The following RFC3 variants were observed in gnomAD, a reference collection of about 807,000 sequenced individuals.
RFC3 encodes the protein replication factor C subunit 3.
In RFC3, 41 loss-of-function variants were observed where a neutral mutation model predicts 45.1. That is an observed-to-expected ratio of 0.91 (90% CI 0.71 to 1.18). RFC3 has a LOEUF of 1.18. Among genes scored for constraint, RFC3 ranks in the 50% most tolerant of loss-of-function variants. The pLI is 0.00. For missense variants in RFC3, 423 were observed against 428.1 expected, an observed-to-expected ratio of 0.99 and a Z score of 0.10; for synonymous variants, 149 against 144.0, an observed-to-expected ratio of 1.03 and a Z score of -0.25.
downstream of RFC3, among the ~76,000 whole-genome samples, chr13:33,837,716 A>G (rs1436394763): frequency 6.6e-6 from 1 of 151,986 alleles, no homozygotes; most frequent in Non-Finnish European, 1.5e-5. Flanking sequence ...GTCCATTTAT[A>G]TTTTATTACC....
chr13:33,835,411 T>TA, intron 8 of RFC3, 194 bp downstream of exon 8: 1 of 728,556 alleles, frequency 1.4e-6, no homozygotes, highest in Non-Finnish European at 2.5e-6. Context: ...AGGGCCTGCC[T>TA]AAAGTGAAGT....
intron 8 of RFC3, among the ~76,000 whole-genome samples, chr13:33,902,752 C>T (rs113601862): frequency 0.016 from 2,473 of 151,934 alleles, 59 homozygotes; most frequent in African/African-American, 0.049. Flanking sequence ...ACTGACAGTC[C>T]GTTATCCACA....
At position 33,821,296 on chromosome 13, in the gene RFC3, A is replaced by AG. The variant is rs775942393; in HGVS notation, c.225+27_225+28insG. 5 of 1,610,438 alleles carry AG rather than the reference A, an allele frequency of 3.1e-6. No homozygotes were observed. In the South Asian group the frequency reaches 5.5e-5, roughly 18 times the overall value. ...TAAGCATTTCACTTTGAGGCCCTGA[A>AG]AGTAATTTATAGCGGGGACTTTCAG... On this transcript the variant is annotated intron_variant, in intron 2 of 8. Coordinates refer to ENST00000380071, the MANE Select transcript of RFC3 (RefSeq NM_002915.4).
In RFC3 at chr13:33,941,790, C is replaced by T. The variant is rs542877895; in HGVS notation, c.880-24297C>T. Among the ~76,000 whole-genome samples, 321 of 152,020 alleles carry T rather than the reference C, an allele frequency of 2.1e-3. 1 individual carries two copies. The highest frequency in any genetic ancestry group is 3.3e-3 in the Non-Finnish European group (221 of 67,974). ...AATGTATGGGTTGAGAGCCTCCATC[C>T]GATTTTGAAGATTATAGGCAAACAT... On this transcript the variant is annotated intron_variant, in intron 8 of 8. Coordinates refer to the RFC3 transcript ENST00000434425.
intron 8 of RFC3, among the ~76,000 whole-genome samples, chr13:33,845,923 A>G (rs1021774895): frequency 6.6e-6 from 1 of 152,232 alleles, no homozygotes; most frequent in Non-Finnish European, 1.5e-5. Flanking sequence ...AGGCATTCCA[A>G]GTGTTCAGAG....
chr13:33,939,970 A>G (rs2082913078), intron 8 of RFC3, among the ~76,000 whole-genome samples: 1 of 151,984 alleles, frequency 6.6e-6, no homozygotes, highest in Admixed American at 6.6e-5. Flanking sequence ...TTTTTTTCTG[A>G]TCCATCTTCG....
chr13:33,825,639 C>A (rs949959203), intron 3 of RFC3, 150 bp from the exon 4 acceptor site: 1 of 409,210 alleles, frequency 2.4e-6, no homozygotes, highest in Non-Finnish European at 4.3e-6. Flanking sequence ...TTTTCAATGA[C>A]CCTAAAACTT....
At chr13:33,974,110 A>G in the RFC3 span, among the ~76,000 whole-genome samples, 11 of 152,126 alleles carry the variant, frequency 7.2e-5, no homozygotes, top group Non-Finnish European at 1.5e-4. Context: ...TGAAGAAGAC[A>G]CTGATTTTTG....
downstream of RFC3, among the ~76,000 whole-genome samples, chr13:33,970,645 A>G (rs1284142481): frequency 1.3e-5 from 2 of 152,258 alleles, no homozygotes; most frequent in Non-Finnish European, 2.9e-5. Flanking sequence ...GAAAGGGAAA[A>G]GAGGCAGTAC....
intron 8 of RFC3, among the ~76,000 whole-genome samples, chr13:33,964,463 A>G (rs1026098193): frequency 2.0e-5 from 3 of 152,194 alleles, no homozygotes; most frequent in Admixed American, 6.5e-5. Context: ...GTTTTTGTCC[A>G]GAGTTTCACA....
At chr13:33,897,324 CTAAGA>C (rs2082606776) in intron 8 of RFC3, among the ~76,000 whole-genome samples, 2 of 151,452 alleles carry the variant, frequency 1.3e-5, no homozygotes, top group African/African-American at 4.8e-5. Context: ...TTTGTGTGAT[CTAAGA>C]TAAGTCATCA....
chr13:33,837,921 TTTC>T (rs1255453381), downstream of RFC3, among the ~76,000 whole-genome samples: 13 of 152,060 alleles, frequency 8.5e-5, no homozygotes, highest in Non-Finnish European at 1.5e-5. Context: ...AGTTCAAACT[TTTC>T]TGATTTCACT....
In RFC3 at chr13:33,831,370, G is replaced by A; in HGVS notation, c.809+16G>A. The A allele has an allele frequency of 7.2e-7, 1 of 1,398,096 alleles. No homozygotes were observed. The highest frequency in any genetic ancestry group is 1.2e-5 in the South Asian group (1 of 86,566). 86.6% of individuals were successfully genotyped at this position (1,398,096 alleles called of 1,614,324 possible). The stretch of plus-strand genomic sequence containing the variant: ...CTCCACAAAGGTACCAGTATAAAAT[G>A]ATGACAGTAAAGCTTTCATTATCAG... On this transcript the variant is annotated intron_variant, in intron 7 of 8. Coordinates refer to ENST00000380071, the MANE Select transcript of RFC3 (RefSeq NM_002915.4).
chr13:33,835,792 G>A (rs1294263709), intron 8 of RFC3, among the ~76,000 whole-genome samples: 2 of 152,198 alleles, frequency 1.3e-5, no homozygotes, highest in African/African-American at 2.4e-5. Flanking sequence ...GGAACTTTAG[G>A]TTGTCTACAA....
intron 8 of RFC3, among the ~76,000 whole-genome samples, chr13:33,872,002 C>G (rs2082413109): frequency 6.6e-6 from 1 of 152,172 alleles, no homozygotes; most frequent in African/African-American, 2.4e-5. Flanking sequence ...TCCTTTGGTT[C>G]TTAATCATTT....
chr13:33,829,914 C>T lies in RFC3; in HGVS notation c.470C>T (p.Ser157Phe). Residue 157 changes from serine to phenylalanine, a missense_variant, in exon 5 of 9, where the codon TCT (serine) becomes TTT (phenylalanine). By Grantham distance (155) the Ser-to-Phe change is radical. Transcript: ENST00000380071. Reference sequence around the variant, plus strand: ...CGAAGAACCATGGAAAAATATATGTCTACCTGCAGATTGATCTTGTGCTGC... The same window carrying T: ...CGAAGAACCATGGAAAAATATATGTTTACCTGCAGATTGATCTTGTGCTGC... ...ALRRTMEKYMSTCRLILCCNS... is the reference protein window; with the variant it reads ...ALRRTMEKYMFTCRLILCCNS... 1 of 1,613,980 alleles carries T rather than the reference C, an allele frequency of 6.2e-7. No individual in the cohort carries two copies. The highest frequency in any genetic ancestry group is 8.5e-7 in the Non-Finnish European group (1 of 1,179,848).
intron 7 of RFC3, among the ~76,000 whole-genome samples, chr13:33,831,572 T>TATTACATGTAAATGATATTACATGTAAA (rs1343283966): frequency 6.6e-5 from 10 of 151,174 alleles, no homozygotes; most frequent in South Asian, 6.3e-4. Flanking sequence ...ATATCATGGC[T>TATTACATGTAAATGATATTACATGTAAA]TACATGTGAT....
intron 8 of RFC3, among the ~76,000 whole-genome samples, chr13:33,909,862 A>C (rs2082693853): frequency 1.3e-5 from 2 of 152,124 alleles, no homozygotes; most frequent in African/African-American, 2.4e-5. Flanking sequence ...ACATTTAATT[A>C]GCACATACTA....
chr13:33,943,207 C>G (rs950093945), intron 8 of RFC3, among the ~76,000 whole-genome samples: 1 of 152,118 alleles, frequency 6.6e-6, no homozygotes, highest in African/African-American at 2.4e-5. Context: ...CATCTTGCCT[C>G]AGAAATAGAC....
Sources: allele counts gnomAD v4.1 joint callset (sites outside exome capture counted in the v4.1 genomes callset), GRCh38; gene constraint gnomAD v4.1.1; transcripts MANE v1.5; gene names NCBI Gene and HGNC (gene_info 2026-07-23, HGNC 2026-07-21).